The following ANO4 variants were observed in gnomAD, a reference collection of about 807,000 sequenced individuals.
The protein encoded by ANO4 is anoctamin-4.
ANO4 carries 69 observed loss-of-function variants against 141.9 expected under a neutral mutation model. The ratio of observed to expected loss-of-function variants is 0.49; its 90% CI spans 0.40 to 0.59. The LOEUF is 0.59. ANO4 is among the 20% of genes least tolerant of loss of function. The pLI, the probability that ANO4 is intolerant of heterozygous loss-of-function variation, is 0.00. For missense variants in ANO4, 894 were observed against 1,162.2 expected, an observed-to-expected ratio of 0.77 and a Z score of 3.36; for synonymous variants, 350 against 394.3, an observed-to-expected ratio of 0.89 and a Z score of 1.33.
At chr12:100,836,110 T>C (rs549707286) in intron 1 of ANO4, among the ~76,000 whole-genome samples, 5 of 152,142 alleles carry the variant, frequency 3.3e-5, no homozygotes, top group Non-Finnish European at 5.9e-5. Context: ...TTATTAGTAA[T>C]CTTAGAGTCA....
intron 3 of ANO4, among the ~76,000 whole-genome samples, chr12:100,743,391 TCTCTATC>T (rs2031961327): frequency 6.6e-6 from 1 of 151,930 alleles, no homozygotes; most frequent in Non-Finnish European, 1.5e-5. Context: ...TTGGAAATGA[TCTCTATC>T]TCAGATACTT....
intron 1 of ANO4, among the ~76,000 whole-genome samples, chr12:100,884,069 G>A (rs2093099736): frequency 6.6e-6 from 1 of 152,100 alleles, no homozygotes; most frequent in African/African-American, 2.4e-5. Flanking sequence ...TGGGTTCTAT[G>A]AATTAATCAT....
chr12:100,938,312 A>T (rs1181722027), intron 3 of ANO4, among the ~76,000 whole-genome samples: 1 of 152,216 alleles, frequency 6.6e-6, no homozygotes, highest in Non-Finnish European at 1.5e-5. Flanking sequence ...AAGCCAGGTC[A>T]CTTTTATTCA....
At chr12:100,910,593 G>T (rs1164754273) in intron 2 of ANO4, among the ~76,000 whole-genome samples, 1 of 152,110 alleles carries the variant, frequency 6.6e-6, no homozygotes, top group African/African-American at 2.4e-5. Flanking sequence ...TAAGACTCAA[G>T]AGCATAGTAA....
rs541757726 is a variant in ANO4 at position 101,013,376 on chromosome 12, A to G, written c.735-6658A>G. Reference sequence around the variant, plus strand: ...GACATGGGGACCCTCATTTCCTGACAAGTAGAGACTCAATGAATTACCCAA... The same window carrying G: ...GACATGGGGACCCTCATTTCCTGACGAGTAGAGACTCAATGAATTACCCAA... On this transcript the variant is annotated intron_variant, in intron 8 of 27. Transcript: ENST00000392977. Among the ~76,000 whole-genome samples the G allele has an allele frequency of 1.6e-4, 24 of 152,242 alleles. No homozygotes were observed. The South Asian group carries it at 3.7e-3, about 24-fold the overall frequency.
At chr12:100,810,069 G>T (rs2035307986) in intron 1 of ANO4, among the ~76,000 whole-genome samples, 1 of 152,124 alleles carries the variant, frequency 6.6e-6, no homozygotes, top group Non-Finnish European at 1.5e-5. Flanking sequence ...GCCTGATAAG[G>T]TGATATGTAA....
chr12:101,004,374 C>T lies in ANO4; in HGVS notation c.735-15660C>T, dbSNP rs575496524. On this transcript the variant is annotated intron_variant, in intron 8 of 27. Coordinates refer to ENST00000392977, the MANE Select transcript of ANO4 (RefSeq NM_001286615.2). ...CTGGGCCCTCAAGGATATGGGGCAACGGAGTGAGCCTAGTTTGGGGAGTGT... is the reference window on the plus strand; with the variant it reads ...CTGGGCCCTCAAGGATATGGGGCAATGGAGTGAGCCTAGTTTGGGGAGTGT... 2.8e-3 allele frequency among the ~76,000 whole-genome samples: 419 copies of T among 149,742 alleles called. 3 individuals are homozygous for T. The highest frequency in any genetic ancestry group is 9.6e-3 in the African/African-American group (385 of 40,092).
chr12:101,104,845 T>G (rs1593281453), intron 22 of ANO4, among the ~76,000 whole-genome samples: 1 of 151,846 alleles, frequency 6.6e-6, no homozygotes, highest in African/African-American at 2.4e-5. Context: ...GTGCCTCTTA[T>G]CTACTAGTTA....
intron 7 of ANO4, among the ~76,000 whole-genome samples, chr12:100,986,457 A>G (rs970187872): frequency 1.3e-5 from 2 of 152,128 alleles, no homozygotes; most frequent in Non-Finnish European, 2.9e-5. Flanking sequence ...TACTAAGTCT[A>G]CAAACTCAAA....
intron 7 of ANO4, among the ~76,000 whole-genome samples, chr12:100,984,068 G>A (rs1477512339): frequency 6.6e-6 from 1 of 151,932 alleles, no homozygotes; most frequent in East Asian, 1.9e-4. Context: ...ACACCCTCCA[G>A]CCCCCATGCC....
At chr12:100,880,106 C>T (rs1020104840) in intron 1 of ANO4, among the ~76,000 whole-genome samples, 4 of 152,058 alleles carry the variant, frequency 2.6e-5, no homozygotes, top group Non-Finnish European at 5.9e-5. Context: ...TTTAGCATGG[C>T]TATAGGAAGA....
At chr12:100,977,844 T>A (rs1206450724) in intron 7 of ANO4, among the ~76,000 whole-genome samples, 1 of 152,202 alleles carries the variant, frequency 6.6e-6, no homozygotes, top group East Asian at 1.9e-4. Flanking sequence ...CTTTATAAAC[T>A]GTCCTCGCCC....
At chr12:100,927,314 A>G (rs1439494520) in intron 3 of ANO4, among the ~76,000 whole-genome samples, 1 of 152,158 alleles carries the variant, frequency 6.6e-6, no homozygotes, top group Non-Finnish European at 1.5e-5. Context: ...TGATGCAATG[A>G]TAACAACATT....
rs1011109810 is a variant in ANO4 at position 101,029,765 on chromosome 12, C to G, written c.842-7330C>G. On this transcript the variant is annotated intron_variant, in intron 9 of 27. Coordinates refer to ENST00000392977, the MANE Select transcript of ANO4 (RefSeq NM_001286615.2). ...TCTCTACTAAAAATACAAAAATTAG[C>G]TGGGTATGGTGGCATGTCCCTGTAA... is the stretch of plus-strand genomic sequence containing the variant. Among the ~76,000 whole-genome samples, 5 of 151,936 alleles carry G rather than the reference C, an allele frequency of 3.3e-5. No homozygotes were observed. The East Asian group carries it at 7.7e-4, about 24-fold the overall frequency.
chr12:101,063,452 G>A (rs1424661081), intron 14 of ANO4, among the ~76,000 whole-genome samples: 1 of 152,144 alleles, frequency 6.6e-6, no homozygotes, highest in Admixed American at 6.5e-5. Context: ...CCTTTTATGA[G>A]TGTTGCAATA....
chr12:100,890,931 G>C (rs1309626327), intron 1 of ANO4, among the ~76,000 whole-genome samples: 1 of 152,128 alleles, frequency 6.6e-6, no homozygotes, highest in Admixed American at 6.6e-5. Context: ...AAAATCCCTT[G>C]TGCTCTGCCT....
chr12:100,940,297 A>G (rs769312478), intron 4 of ANO4, among the ~76,000 whole-genome samples: 5 of 151,798 alleles, frequency 3.3e-5, no homozygotes, highest in Admixed American at 6.6e-5. Context: ...TAAAGAATGG[A>G]CTTTGAAAGG....
intron 3 of ANO4, among the ~76,000 whole-genome samples, chr12:100,763,909 T>G (rs1306977366): frequency 7.6e-6 from 1 of 132,258 alleles, no homozygotes; most frequent in East Asian, 2.0e-4. Flanking sequence ...TAGGAACCAC[T>G]TTTTTTTTTT....
chr12:101,056,540 TAAATA>T (rs1314039917), intron 14 of ANO4, among the ~76,000 whole-genome samples: 3 of 152,120 alleles, frequency 2.0e-5, no homozygotes, highest in Admixed American at 1.3e-4. Flanking sequence ...ATTTATAAAA[TAAATA>T]AGTTTTCTTT....
Sources: allele counts gnomAD v4.1 joint callset (sites outside exome capture counted in the v4.1 genomes callset), GRCh38; gene constraint gnomAD v4.1.1; transcripts MANE v1.5; gene names NCBI Gene and HGNC (gene_info 2026-07-23, HGNC 2026-07-21).